Variants in ARHGEF28 observed in about 807,000 individuals in gnomAD.
The protein encoded by ARHGEF28 is Rho guanine nucleotide exchange factor 28, also known as 190 kDa guanine nucleotide exchange factor.
ARHGEF28 carries 152 observed loss-of-function variants against 206.6 expected under a neutral mutation model. The observed-to-expected ratio is 0.74, with a 90% CI of 0.64 to 0.84. The LOEUF (loss-of-function observed/expected upper bound fraction) is 0.84. ARHGEF28 is among the 40% of genes least tolerant of loss of function. The probability of loss-of-function intolerance (pLI) is 0.00; values close to 1 mark genes in which losing one functional copy is unlikely to be tolerated. For synonymous variants in ARHGEF28, 763 were observed against 776.4 expected (o/e 0.98, Z 0.29); for missense variants, 2,028 against 2,073.2 (o/e 0.98, Z 0.42).
chr5:73,668,545 G>T (rs890508712), intron 1 of ARHGEF28, among the ~76,000 whole-genome samples: 3 of 152,144 alleles, frequency 2.0e-5, no homozygotes, highest in Non-Finnish European at 4.4e-5. Context: ...CCTCTTAAAG[G>T]TTCCACTTGT....
chr5:73,898,455 C>A (rs73762543), intron 30 of ARHGEF28: 1 of 165,350 alleles, frequency 6.0e-6, no homozygotes, highest in African/African-American at 2.4e-5. Flanking sequence ...GGAGTCCCTG[C>A]GGTCAATTAC....
Position 73,774,021 on chromosome 5 carries a change from G to T in ARHGEF28, c.642G>T (p.Leu214=). The T allele has an allele frequency of 1.3e-6, 2 of 1,594,078 alleles. No individual in the cohort carries two copies. Among genetic ancestry groups the T allele is most frequent in the Non-Finnish European group, 1.7e-6 (2 of 1,170,268 alleles). The change falls in exon 5 of 36, where the codon CTG becomes CTT. Residue 214 remains leucine (L), a synonymous_variant. Transcript: ENST00000513042. ...DLALREGHSK[L]VEDVTNFQGR... ...CTTTACGTGAAGGACACTCCAAGCT[G>T]GTGGAAGACGTCACAAAGTGAGTTT...
At chr5:73,636,866 C>G (rs1031719498) in intron 1 of ARHGEF28, among the ~76,000 whole-genome samples, 2 of 152,136 alleles carry the variant, frequency 1.3e-5, no homozygotes, top group African/African-American at 2.4e-5. Context: ...TCTTAAGCCT[C>G]CCTCACATTA....
intron 18 of ARHGEF28, among the ~76,000 whole-genome samples, chr5:73,866,669 A>C (rs1759726073): frequency 6.6e-6 from 1 of 152,170 alleles, no homozygotes; most frequent in Non-Finnish European, 1.5e-5. Flanking sequence ...TGAAGTGTAT[A>C]TTGCTGAAAT....
rs1245504787 is a variant in ARHGEF28, at chr5:73,701,537, G to A, written c.33+16653G>A. The stretch of plus-strand genomic sequence containing the variant: ...AATAATTTTTGAAGCATTTTTGATG[G>A]CTCAGAATTGCAAGTATCTTCAGCT... On this transcript the variant is annotated intron_variant, in intron 2 of 35. Coordinates refer to ENST00000513042, the MANE Select transcript of ARHGEF28 (RefSeq NM_001177693.2). 3.9e-5 allele frequency among the ~76,000 whole-genome samples: 6 copies of A among 152,170 alleles called. No individual in the cohort carries two copies. The East Asian group carries it at 1.2e-3, about 29-fold the overall frequency.
chr5:73,863,017 T>C (rs1417170480), intron 16 of ARHGEF28: 1 of 152,138 alleles, frequency 6.6e-6, no homozygotes, highest in Non-Finnish European at 1.5e-5. Flanking sequence ...GTTAAATAAA[T>C]TCTTGGACCA....
At chr5:73,845,857 G>T (rs1313932237) in intron 11 of ARHGEF28, among the ~76,000 whole-genome samples, 2 of 151,626 alleles carry the variant, frequency 1.3e-5, no homozygotes, top group Non-Finnish European at 2.9e-5. Context: ...GCGTGGTGGC[G>T]CACGCCTGTA....
intron 6 of ARHGEF28, 34 bp downstream of exon 6, chr5:73,776,730 C>T (rs1561396452): frequency 6.5e-7 from 1 of 1,549,252 alleles, no homozygotes; most frequent in East Asian, 2.3e-5. Flanking sequence ...TGTGATAATG[C>T]ATGCTTCAGA....
At chr5:73,782,212 G>A (rs1313847668) in intron 7 of ARHGEF28, among the ~76,000 whole-genome samples, 2 of 151,928 alleles carry the variant, frequency 1.3e-5, no homozygotes, top group Non-Finnish European at 2.9e-5. Flanking sequence ...GCCGAGGTGG[G>A]TGGATCACCT....
At chr5:73,737,671 C>T (rs965676967) in intron 2 of ARHGEF28, among the ~76,000 whole-genome samples, 13 of 151,804 alleles carry the variant, frequency 8.6e-5, no homozygotes, top group Non-Finnish European at 1.3e-4. Flanking sequence ...GCTGCCACCA[C>T]GTCCAGCTAA....
intron 2 of ARHGEF28, among the ~76,000 whole-genome samples, chr5:73,705,684 TGAA>T (rs1488415080): frequency 6.6e-6 from 1 of 152,220 alleles, no homozygotes; most frequent in Non-Finnish European, 1.5e-5. Context: ...GGCAGCCTGC[TGAA>T]GGAGTCCTCA....
intron 35 of ARHGEF28, among the ~76,000 whole-genome samples, chr5:73,926,267 C>CTGAT (rs1763801067): frequency 6.6e-6 from 1 of 152,170 alleles, no homozygotes; most frequent in African/African-American, 2.4e-5. Context: ...TAAATGTGGG[C>CTGAT]TGATTATAGG....
At chr5:73,775,896 G>T (rs776086186) in intron 5 of ARHGEF28, among the ~76,000 whole-genome samples, 8 of 38,370 alleles carry the variant, frequency 2.1e-4, no homozygotes, top group Non-Finnish European at 3.6e-4. Context: ...GAATATACAT[G>T]ACTCTCCAAA....
At chr5:73,692,529 G>A (rs1580489266) in intron 2 of ARHGEF28, among the ~76,000 whole-genome samples, 1 of 152,078 alleles carries the variant, frequency 6.6e-6, no homozygotes, top group Non-Finnish European at 1.5e-5. Context: ...GCTGTGTTTG[G>A]TCCCAAGAAT....
At chr5:73,911,763 C>T in intron 35 of ARHGEF28, 188 bp downstream of exon 35, 1 of 621,404 alleles carries the variant, frequency 1.6e-6, no homozygotes, top group South Asian at 2.1e-5. Flanking sequence ...TGTAAGTTAC[C>T]TAGACAAGTG....
chr5:73,927,244 G>C (rs1401636550), intron 35 of ARHGEF28, among the ~76,000 whole-genome samples: 2 of 152,106 alleles, frequency 1.3e-5, no homozygotes, highest in Non-Finnish European at 2.9e-5. Flanking sequence ...AGGCATGGCG[G>C]AGTGCACCTA....
intron 2 of ARHGEF28, among the ~76,000 whole-genome samples, chr5:73,730,258 G>T (rs1001743294): frequency 1.3e-5 from 2 of 152,084 alleles, no homozygotes; most frequent in Non-Finnish European, 2.9e-5. Flanking sequence ...CAGATATGTT[G>T]TATATATCTG....
chr5:73,889,431 T>G (rs1761497413), intron 26 of ARHGEF28, among the ~76,000 whole-genome samples: 1 of 152,216 alleles, frequency 6.6e-6, no homozygotes, highest in South Asian at 2.1e-4. Context: ...CTACAAAATG[T>G]GTTAAGAAAA....
chr5:73,866,559 G>A (rs954857587), intron 18 of ARHGEF28, among the ~76,000 whole-genome samples: 1 of 152,158 alleles, frequency 6.6e-6, no homozygotes, highest in African/African-American at 2.4e-5. Flanking sequence ...AGCTGTGCTT[G>A]AGGCTGTGAT....
Sources: allele counts gnomAD v4.1 joint callset (sites outside exome capture counted in the v4.1 genomes callset), GRCh38; gene constraint gnomAD v4.1.1; transcripts MANE v1.5; gene names NCBI Gene and HGNC (gene_info 2026-07-23, HGNC 2026-07-21).